The following ABCB9 variants were observed in gnomAD, a reference collection of about 807,000 sequenced individuals.
ABCB9 encodes the protein ATP binding cassette subfamily B member 9, also known as ABC-type oligopeptide transporter ABCB9.
Under a neutral mutation model 62.0 loss-of-function variants are expected in ABCB9, and 36 were observed. That is an observed-to-expected ratio of 0.58 (90% CI 0.45 to 0.77). ABCB9 has a LOEUF of 0.77. Among genes scored for constraint, ABCB9 ranks in the 30% least tolerant of loss-of-function variants. The pLI is 0.00. For synonymous variants in ABCB9, 435 were observed against 461.4 expected (o/e 0.94, Z 0.73); for missense variants, 943 against 1,054.7 (o/e 0.89, Z 1.47).
Position 122,946,047 on chromosome 12 carries a change from A to C in ABCB9, c.1229T>G (p.Met410Arg). 2.5e-6 allele frequency: 4 copies of C among 1,613,846 alleles called. No individual in the cohort carries two copies. Among genetic ancestry groups the C allele is most frequent in the Non-Finnish European group, 2.5e-6 (3 of 1,180,022 alleles). Residue 410 changes from methionine (M) to arginine (R), a missense_variant, in exon 6 of 12, where the codon ATG becomes AGG. Transcript: ENST00000280560. ...KLNRKEAAAYMYYVWGSGLTL... is the reference protein window; with the variant it reads ...KLNRKEAAAYRYYVWGSGLTL... Reference sequence around the variant, plus strand: ...TACCCCGCTGCCCCAGACGTAGTACATGTAGGCAGCTGCCTCCTTCCTGTT... The same window carrying C: ...TACCCCGCTGCCCCAGACGTAGTACCTGTAGGCAGCTGCCTCCTTCCTGTT...
chr12:122,973,606 A>AAAAAAAAAC, intron 1 of ABCB9, among the ~76,000 whole-genome samples: 1 of 144,490 alleles, frequency 6.9e-6, no homozygotes, highest in South Asian at 2.2e-4. Context: ...AAAAAAAAAA[A>AAAAAAAAAC]AAACAAAAAC....
chr12:122,967,915 A>G (rs2037221546), upstream of ABCB9, among the ~76,000 whole-genome samples: 1 of 152,156 alleles, frequency 6.6e-6, no homozygotes. Flanking sequence ...ACCCAGAAGG[A>G]ATTTCCTCTA....
At chr12:122,972,470 G>T (rs2037288229) in intron 1 of ABCB9, among the ~76,000 whole-genome samples, 1 of 151,986 alleles carries the variant, frequency 6.6e-6, no homozygotes, top group South Asian at 2.1e-4. Flanking sequence ...TTGGGATCTG[G>T]GTGCTGGTTA....
Position 122,948,835 on chromosome 12 carries a change from A to G in ABCB9, c.848-6T>C, listed in dbSNP as rs1477974546. On this transcript the variant is annotated splice_polypyrimidine_tract_variant and splice_region_variant and intron_variant, in intron 4 of 11. Coordinates refer to ENST00000280560, the MANE Select transcript of ABCB9 (RefSeq NM_019625.4). ...CAGGCGGGAGATGAGGTCCCCTGGA[A>G]CACACGCGGCTCAGCTCTCACCACA... 1 of 1,546,366 alleles carries G rather than the reference A, an allele frequency of 6.5e-7. No homozygotes were observed. Among genetic ancestry groups the G allele is most frequent in the Admixed American group, 1.9e-5 (1 of 53,300 alleles).
In ABCB9 at chr12:122,940,126, C is replaced by T; in HGVS notation, c.1728G>A (p.Lys576=). The T allele has an allele frequency of 6.2e-7, 1 of 1,611,876 alleles. No individual in the cohort carries two copies. The highest frequency in any genetic ancestry group is 2.2e-5 in the East Asian group (1 of 44,834). The change falls in exon 9 of 12, where the codon AAG becomes AAA. Residue 576 remains lysine (K), a synonymous_variant. Transcript: ENST00000280560. This position sits in a 1 kb window ranked among gnomAD's most constrained non-coding sequence, Gnocchi z 4.8. ...GTGCACATACCACACGGTGCAAGTA[C>T]TTGTGGTCGTAGGCGCTGATGGGCT... ...DGKPISAYDH[K]YLHRVISLVS...
intron 5 of ABCB9, 98 bp from the exon 6 acceptor site, chr12:122,946,320 G>T: frequency 8.0e-7 from 1 of 1,243,368 alleles, no homozygotes; most frequent in Non-Finnish European, 1.2e-6. Context: ...CCCTTCGCTG[G>T]CACCAGCTAT....
In ABCB9 at chr12:122,935,228, G is replaced by A. The variant is rs2035397991; in HGVS notation, c.1903+44C>T. On this transcript the variant is annotated intron_variant, in intron 10 of 11. Transcript: ENST00000280560. The stretch of plus-strand genomic sequence containing the variant: ...AACTCAGAGGGTTATGTCCCTGAGG[G>A]TGACCCTGTGGGCCCAGGAGAGGGG... 7 of 1,554,930 alleles carry A rather than the reference G, an allele frequency of 4.5e-6. No individual in the cohort carries two copies. In the South Asian group the frequency reaches 7.1e-5, roughly 16 times the overall value.
Position 122,935,268 on chromosome 12 carries a change from A to T in ABCB9, c.1903+4T>A. On this transcript the variant is annotated splice_donor_region_variant and intron_variant, in intron 10 of 11. Transcript: ENST00000280560. ...CAGGAGAGGGGCCACCCCCAGCTCC[A>T]CACCTGTGCTGTAGCCGTCCTGGAG... is the stretch of plus-strand genomic sequence containing the variant. The T allele has an allele frequency of 6.2e-7, 1 of 1,603,582 alleles. No homozygotes were observed. Among genetic ancestry groups the T allele is most frequent in the Non-Finnish European group, 8.5e-7 (1 of 1,174,396 alleles).
At chr12:122,936,100 G>C (rs2035445304) in intron 9 of ABCB9, among the ~76,000 whole-genome samples, 1 of 152,168 alleles carries the variant, frequency 6.6e-6, no homozygotes, top group South Asian at 2.1e-4. Flanking sequence ...AGTAGCAAAA[G>C]TTAATTAGTT....
chr12:122,950,785 G>T, intron 2 of ABCB9: 1 of 504,246 alleles, frequency 2.0e-6, no homozygotes, highest in South Asian at 3.0e-5. Flanking sequence ...CACACAGCCT[G>T]CTGGTTCTTC....
Position 122,944,246 on chromosome 12 carries a change from A to G in ABCB9, c.1380+145T>C. The stretch of plus-strand genomic sequence containing the variant: ...GCCCTGCCTAGTATTATCATTCTTG[A>G]TATGATCATGCTGTCTCCCCTACTT... On this transcript the variant is annotated intron_variant, in intron 7 of 11. Transcript: ENST00000280560. The surrounding 1 kb of genome is among the most constrained non-coding windows in gnomAD (Gnocchi z 4.9). 1 of 1,255,516 alleles carries G rather than the reference A, an allele frequency of 8.0e-7. No individual in the cohort carries two copies. Among genetic ancestry groups the G allele is most frequent in the Non-Finnish European group, 1.1e-6 (1 of 920,056 alleles). The allele number at this position is 1,255,516 out of a possible 1,614,324, so 77.8% of individuals were successfully genotyped here.
At chr12:122,920,025 G>A (rs1426352521), downstream of ABCB9, among the ~76,000 whole-genome samples, 2 of 151,764 alleles carry the variant, frequency 1.3e-5, no homozygotes, top group African/African-American at 4.8e-5. Context: ...TCCTGCCTCA[G>A]CCTCCCCACC....
chr12:122,959,783 C>T lies in ABCB9; in HGVS notation c.453G>A (p.Ala151=), dbSNP rs747874441. 21 of 1,611,824 alleles carry T rather than the reference C, an allele frequency of 1.3e-5. No individual in the cohort carries two copies. Among genetic ancestry groups the T allele is most frequent in the African/African-American group, 2.7e-5 (2 of 74,918 alleles). Residue 151 remains alanine, a synonymous_variant, in exon 2 of 12, where the codon GCG becomes GCA. Transcript: ENST00000280560. This position sits in a 1 kb window ranked among gnomAD's most constrained non-coding sequence, Gnocchi z 5.4. ...RPGTQALEPG[A]ATEAEGFPGS... is the part of the protein sequence containing the mutation. ...CAGGGAAGCCCTCAGCCTCGGTGGC[C>T]GCCCCTGGCTCCAGGGCCTGGGTGC... is the stretch of plus-strand genomic sequence containing the variant.
Position 122,946,009 on chromosome 12 carries a change from G to C in ABCB9, c.1251+16C>G. ...CATCCCTCCACAGCCAGAGCTGCCT[G>C]GCCAGGGGCACGTACCCCGCTGCCC... On this transcript the variant is annotated intron_variant, in intron 6 of 11. Coordinates refer to ENST00000280560, the MANE Select transcript of ABCB9 (RefSeq NM_019625.4). 1 of 1,612,292 alleles carries C rather than the reference G, an allele frequency of 6.2e-7. No individual in the cohort carries two copies. Among genetic ancestry groups the C allele is most frequent in the Non-Finnish European group, 8.5e-7 (1 of 1,179,594 alleles).
intron 2 of ABCB9, among the ~76,000 whole-genome samples, chr12:122,954,135 T>C (rs1417450657): frequency 6.8e-6 from 1 of 147,480 alleles, no homozygotes; most frequent in African/African-American, 2.5e-5. Context: ...TCCACTGTAC[T>C]CCATCCAGCC....
chr12:122,938,793 A>G (rs1046237966), intron 9 of ABCB9, among the ~76,000 whole-genome samples: 2 of 152,012 alleles, frequency 1.3e-5, no homozygotes, highest in African/African-American at 2.4e-5. Flanking sequence ...GTGCCACTGC[A>G]CTCCAGCCTG....
Position 122,941,491 on chromosome 12 carries a change from T to C in ABCB9, c.1381-496A>G, listed in dbSNP as rs7956760. Among the ~76,000 whole-genome samples, 441 of 151,910 alleles carry C rather than the reference T, an allele frequency of 2.9e-3. 1 individual carries two copies. Among genetic ancestry groups the C allele is most frequent in the African/African-American group, 0.01 (423 of 41,430 alleles). On this transcript the variant is annotated intron_variant, in intron 7 of 11. Transcript: ENST00000280560. Reference sequence around the variant, plus strand: ...GCCCAGATAATATTTGTATTTTTAGTAGAGACAGGGTTTCACCACACTGGC... The same window carrying C: ...GCCCAGATAATATTTGTATTTTTAGCAGAGACAGGGTTTCACCACACTGGC...
In ABCB9 at chr12:122,940,921, C is replaced by T; in HGVS notation, c.1455G>A (p.Arg485=). 1 of 1,612,424 alleles carries T rather than the reference C, an allele frequency of 6.2e-7. No homozygotes were observed. Among genetic ancestry groups the T allele is most frequent in the Non-Finnish European group, 8.5e-7 (1 of 1,179,304 alleles). The change falls in exon 8 of 12, where the codon CGG becomes CGA. Residue 485 remains arginine (R), a synonymous_variant. Coordinates refer to ENST00000280560, the MANE Select transcript of ABCB9 (RefSeq NM_019625.4). This position sits in a 1 kb window ranked among gnomAD's most constrained non-coding sequence, Gnocchi z 4.8. ...TGCCATCGTGCACCATGGTCGGCTG[C>T]CGGTCGATGAACTCGAACACCTTCT... ...AAEKVFEFID[R]QPTMVHDGSL... is the part of the protein sequence containing the mutation.
At chr12:122,958,658 G>T (rs561069739) in intron 2 of ABCB9, among the ~76,000 whole-genome samples, 101 of 152,264 alleles carry the variant, frequency 6.6e-4, no homozygotes, top group Middle Eastern at 3.4e-3. Flanking sequence ...GGACAACATA[G>T]TGAGATCCTA....
Sources: gnomAD v4.1 joint callset for allele counts (sites outside exome capture counted in the v4.1 genomes callset) on GRCh38, gnomAD v4.1.1 for gene constraint, Gnocchi (gnomAD v3.1) non-coding constraint, MANE v1.5 for transcripts, NCBI Gene and HGNC (gene_info 2026-07-23, HGNC 2026-07-21) for gene names.